The following HMHB1 variants were observed in gnomAD, a reference collection of about 807,000 sequenced individuals.
HMHB1 encodes minor histocompatibility protein HB-1.
A neutral mutation model predicts 2.4 loss-of-function variants in HMHB1; 4 were observed. The observed-to-expected ratio is 1.65, with a 90% CI of 0.81 to 3.77. HMHB1 has a LOEUF of 3.77. Ranked by LOEUF, HMHB1 falls within the 30% of genes most tolerant of loss-of-function variation. HMHB1 has a pLI of 0.01. For synonymous variants in HMHB1, 22 were observed against 17.6 expected (o/e 1.25, Z -0.63); for missense variants, 57 against 44.2 (o/e 1.29, Z -0.82).
intron 1 of HMHB1, among the ~76,000 whole-genome samples, chr5:143,818,324 G>A (rs2126794106): frequency 6.6e-6 from 1 of 152,228 alleles, no homozygotes; most frequent in East Asian, 1.9e-4. Context: ...TGAAGGATGG[G>A]TAAAATTTGA....
Position 143,820,564 on chromosome 5 carries a change from T to G in HMHB1, c.122T>G (p.Leu41Arg). The G allele has an allele frequency of 6.2e-7, 1 of 1,606,558 alleles. No individual in the cohort carries two copies. The highest frequency in any genetic ancestry group is 1.3e-5 in the African/African-American group (1 of 74,858). ...CACAGCTCTTCCCTGACTTATAGGC[T>G]TTGACACTGCTGTTGAGGTTTGACT... is the stretch of plus-strand genomic sequence containing the variant. The change falls in exon 2 of 2, where the codon CTT (leucine) becomes CGT (arginine). Residue 41 changes from leucine (L) to arginine (R), a missense_variant. Physicochemically the swap from Leu to Arg is moderately radical, Grantham distance 102 (BLOSUM62 -2). Transcript: ENST00000289448.
chr5:143,816,374 G>A (rs1223374960), intron 1 of HMHB1, among the ~76,000 whole-genome samples: 1 of 151,900 alleles, frequency 6.6e-6, no homozygotes, highest in Non-Finnish European at 1.5e-5. Context: ...TTCCCCCTGA[G>A]TCCCCAAAGT....
At chr5:143,817,189 C>T (rs188028272) in intron 1 of HMHB1, among the ~76,000 whole-genome samples, 167 of 152,190 alleles carry the variant, frequency 1.1e-3, no homozygotes, top group African/African-American at 3.8e-3. Flanking sequence ...TCTTTTGCTG[C>T]GTAAAAGCTC....
chr5:143,820,318 T>TAAAAAAAAA lies in HMHB1; in HGVS notation c.38-138_38-130dup, dbSNP rs60960654. Among the ~76,000 whole-genome samples the TAAAAAAAAA allele has an allele frequency of 6.0e-3, 285 of 47,576 alleles. 2 individuals carry two copies. The highest frequency in any genetic ancestry group is 9.2e-3 in the Non-Finnish European group (225 of 24,484). 31.2% of individuals were successfully genotyped at this position (47,576 alleles called of 152,430 possible). A position where few individuals can be genotyped will look rare whatever the true frequency, so the allele number is the denominator to read the frequency against. Reference sequence around the variant, plus strand: ...AGGTGCTGCCCCGGCTCATCATAAGTAAAAAAAAAAAAAAAAAAAAAAAAA... The same window carrying TAAAAAAAAA: ...AGGTGCTGCCCCGGCTCATCATAAGTAAAAAAAAAAAAAAAAAAAAAAAAAAAAAAAAAA... On this transcript the variant is annotated intron_variant, in intron 1 of 1. Transcript: ENST00000289448.
intron 1 of HMHB1, among the ~76,000 whole-genome samples, chr5:143,818,438 A>T (rs763874745): frequency 2.0e-5 from 3 of 152,242 alleles, no homozygotes; most frequent in Non-Finnish European, 4.4e-5. Context: ...ATACTATACT[A>T]TTAAGTTGGA....
chr5:143,819,559 C>T (rs1278679490), intron 1 of HMHB1, among the ~76,000 whole-genome samples: 3 of 143,288 alleles, frequency 2.1e-5, no homozygotes, highest in Non-Finnish European at 3.0e-5. Flanking sequence ...CGCTTGAGCT[C>T]GGGGGGCGGA....
intron 1 of HMHB1, 92 bp downstream of exon 1, chr5:143,812,396 G>A (rs1274644757): frequency 3.3e-6 from 4 of 1,208,486 alleles, no homozygotes; most frequent in South Asian, 2.7e-5. Flanking sequence ...TGGAATGAGA[G>A]GGAAACCACA....
chr5:143,818,009 T>A (rs999327627), intron 1 of HMHB1, among the ~76,000 whole-genome samples: 10 of 152,164 alleles, frequency 6.6e-5, no homozygotes, highest in African/African-American at 2.2e-4. Flanking sequence ...AACTGATCAA[T>A]AGATTCAATG....
chr5:143,818,352 G>A (rs557829444), intron 1 of HMHB1, among the ~76,000 whole-genome samples: 1 of 152,278 alleles, frequency 6.6e-6, no homozygotes, highest in East Asian at 1.9e-4. Flanking sequence ...TCAAAGCTTA[G>A]ATCTAACTCA....
intron 1 of HMHB1, among the ~76,000 whole-genome samples, chr5:143,812,805 A>T (rs1037431941): frequency 1.3e-5 from 2 of 152,210 alleles, no homozygotes; most frequent in East Asian, 3.9e-4. Flanking sequence ...GGGGCTTTGC[A>T]TGCATTTCTC....
chr5:143,817,886 A>C (rs1191201018), intron 1 of HMHB1, among the ~76,000 whole-genome samples: 1 of 152,216 alleles, frequency 6.6e-6, no homozygotes, highest in Non-Finnish European at 1.5e-5. Flanking sequence ...CAAAAATTCT[A>C]GGCTGAAAAC....
chr5:143,819,910 C>A (rs1759789619), intron 1 of HMHB1, among the ~76,000 whole-genome samples: 1 of 152,064 alleles, frequency 6.6e-6, no homozygotes, highest in Non-Finnish European at 1.5e-5. Context: ...AGGCTTGGCT[C>A]TAAAATAAGG....
rs60960654 is a variant in HMHB1, at chr5:143,820,318, T to TAAAAAAAAAAAAAAAAA, written c.38-146_38-130dup. ...AGGTGCTGCCCCGGCTCATCATAAG[T>TAAAAAAAAAAAAAAAAA]AAAAAAAAAAAAAAAAAAAAAAAAA... On this transcript the variant is annotated intron_variant, in intron 1 of 1. Transcript: ENST00000289448. 9.0e-4 allele frequency among the ~76,000 whole-genome samples: 43 copies of TAAAAAAAAAAAAAAAAA among 47,570 alleles called. 1 individual carries two copies. The highest frequency in any genetic ancestry group is 2.6e-3 in the South Asian group (2 of 774). 31.2% of individuals were successfully genotyped at this position (47,570 alleles called of 152,430 possible).
intron 1 of HMHB1, among the ~76,000 whole-genome samples, chr5:143,813,599 G>A (rs976553125): frequency 1.3e-5 from 2 of 152,128 alleles, no homozygotes; most frequent in African/African-American, 4.8e-5. Flanking sequence ...CCTTAACTCA[G>A]AAACTCAAAT....
chr5:143,818,317 A>T (rs1759771431), intron 1 of HMHB1, among the ~76,000 whole-genome samples: 1 of 152,206 alleles, frequency 6.6e-6, no homozygotes, highest in East Asian at 1.9e-4. Flanking sequence ...GTAGGGATGA[A>T]GGATGGGTAA....
intron 1 of HMHB1, among the ~76,000 whole-genome samples, chr5:143,813,978 A>G (rs1000292330): frequency 6.6e-6 from 1 of 152,210 alleles, no homozygotes; most frequent in Non-Finnish European, 1.5e-5. Context: ...CATTTTATTT[A>G]TGATTTGGTC....
At chr5:143,815,383 A>C (rs1178065451) in intron 1 of HMHB1, among the ~76,000 whole-genome samples, 2 of 152,016 alleles carry the variant, frequency 1.3e-5, no homozygotes, top group African/African-American at 4.8e-5. Flanking sequence ...CCTGCATTCC[A>C]TTGCTCATGG....
rs1759702893 is a variant in HMHB1 at position 143,812,446 on chromosome 5, G to T, written c.37+142G>T. ...GGATGGCGGAAGGCAGGGGAGAGGA[G>T]TGAGACGGCCCTTGTTGCTGGGATT... On this transcript the variant is annotated intron_variant, in intron 1 of 1. Transcript: ENST00000289448. 3.9e-6 allele frequency: 3 copies of T among 765,724 alleles called. 1 individual carries two copies. The East Asian group carries it at 8.2e-5, about 21-fold the overall frequency. 47.4% of individuals were successfully genotyped at this position (765,724 alleles called of 1,614,324 possible).
In HMHB1 at chr5:143,812,247, A is replaced by T; in HGVS notation, c.-21A>T. 1 of 1,551,530 alleles carries T rather than the reference A, an allele frequency of 6.4e-7. No individual in the cohort carries two copies. Among genetic ancestry groups the T allele is most frequent in the East Asian group, 2.4e-5 (1 of 40,920 alleles). Reference sequence around the variant, plus strand: ...CTTCTGACCTCACATCCTCTGCCACACCACAGTGGAGAAACCAGAACTGGA... The same window carrying T: ...CTTCTGACCTCACATCCTCTGCCACTCCACAGTGGAGAAACCAGAACTGGA... On this transcript the variant is annotated 5_prime_UTR_variant, in exon 1 of 2. Transcript: ENST00000289448.
Sources: gnomAD v4.1 joint callset for allele counts (sites outside exome capture counted in the v4.1 genomes callset) on GRCh38, gnomAD v4.1.1 for gene constraint, MANE v1.5 for transcripts, NCBI Gene and HGNC (gene_info 2026-07-23, HGNC 2026-07-21) for gene names.